The following PIP5K1B variants were observed in gnomAD, a reference collection of about 807,000 sequenced individuals.
PIP5K1B encodes phosphatidylinositol-4-phosphate 5-kinase type 1 beta.
Under a neutral mutation model 67.0 loss-of-function variants are expected in PIP5K1B, and 42 were observed. The observed-to-expected ratio is 0.63, with a 90% CI of 0.49 to 0.81. PIP5K1B has a LOEUF of 0.81. PIP5K1B is among the 30% of genes least tolerant of loss of function. PIP5K1B has a pLI of 0.00. For synonymous variants in PIP5K1B, 214 were observed against 231.4 expected, an observed-to-expected ratio of 0.92 and a Z score of 0.68; for missense variants, 459 against 646.3, an observed-to-expected ratio of 0.71 and a Z score of 3.14.
chr9:68,897,563 A>G (rs1825151568), intron 8 of PIP5K1B, among the ~76,000 whole-genome samples: 1 of 152,162 alleles, frequency 6.6e-6, no homozygotes, highest in African/African-American at 2.4e-5. Context: ...CGGGAGCTAT[A>G]GTTGTTTGGT....
intron 14 of PIP5K1B, among the ~76,000 whole-genome samples, chr9:68,977,386 G>A (rs1829680157): frequency 6.6e-6 from 1 of 152,142 alleles, no homozygotes; most frequent in Non-Finnish European, 1.5e-5. Flanking sequence ...AGCCAGGTGT[G>A]GTGGTGCTTG....
At chr9:68,857,959 T>TTGTTGTTGTTGTTG (rs1822867352) in intron 4 of PIP5K1B, among the ~76,000 whole-genome samples, 1 of 149,306 alleles carries the variant, frequency 6.7e-6, no homozygotes, top group African/African-American at 2.5e-5. Context: ...CTCTTGCTGT[T>TTGTTGTTGTTGTTG]TTGTTGTTGT....
chr9:68,816,960 A>G (rs1833478730), intron 2 of PIP5K1B, among the ~76,000 whole-genome samples: 1 of 152,272 alleles, frequency 6.6e-6, no homozygotes, highest in Admixed American at 6.5e-5. Flanking sequence ...TAAAATGTCT[A>G]TGACAAGACA....
intron 8 of PIP5K1B, among the ~76,000 whole-genome samples, chr9:68,907,761 A>G (rs1825685031): frequency 1.3e-5 from 2 of 152,162 alleles, no homozygotes. Flanking sequence ...ACAGTTCCGA[A>G]TTTTCTCTCT....
chr9:68,715,188 A>G (rs1001162569), intron 1 of PIP5K1B, among the ~76,000 whole-genome samples: 3 of 152,242 alleles, frequency 2.0e-5, no homozygotes, highest in Non-Finnish European at 4.4e-5. Flanking sequence ...GAACCAGTTG[A>G]CATGGGTGCA....
At chr9:68,921,303 T>A (rs985282453) in intron 11 of PIP5K1B, among the ~76,000 whole-genome samples, 4 of 151,136 alleles carry the variant, frequency 2.6e-5, no homozygotes, top group Admixed American at 6.6e-5. Flanking sequence ...TAAAAGAAAA[T>A]TTTTTAATTA....
intron 5 of PIP5K1B, among the ~76,000 whole-genome samples, chr9:68,872,136 G>A (rs937597594): frequency 6.6e-6 from 1 of 152,226 alleles, no homozygotes; most frequent in Non-Finnish European, 1.5e-5. Flanking sequence ...CTGCCATGGT[G>A]GAAGTTGCTA....
chr9:68,877,889 C>T (rs1333974066), intron 6 of PIP5K1B, among the ~76,000 whole-genome samples: 3 of 152,128 alleles, frequency 2.0e-5, no homozygotes, highest in Admixed American at 6.6e-5. Flanking sequence ...TTGAAAGTCC[C>T]TAGCATACTG....
chr9:68,982,606 A>G (rs1322555093), intron 14 of PIP5K1B, among the ~76,000 whole-genome samples: 2 of 152,070 alleles, frequency 1.3e-5, no homozygotes, highest in Non-Finnish European at 2.9e-5. Flanking sequence ...AAAATACAAA[A>G]AAAAAAGTAG....
chr9:68,989,546 T>A (rs1227186895), intron 14 of PIP5K1B, among the ~76,000 whole-genome samples: 1 of 109,352 alleles, frequency 9.1e-6, no homozygotes, highest in Non-Finnish European at 2.0e-5. Flanking sequence ...CTCCATTTTC[T>A]TTTTTTTTTT....
At chr9:68,771,083 C>A (rs1418790248) in intron 2 of PIP5K1B, among the ~76,000 whole-genome samples, 3 of 152,134 alleles carry the variant, frequency 2.0e-5, no homozygotes, top group Non-Finnish European at 2.9e-5. Context: ...TCCTTACAGA[C>A]TTCATCAAGC....
intron 4 of PIP5K1B, among the ~76,000 whole-genome samples, chr9:68,850,352 C>T (rs908568502): frequency 4.6e-5 from 7 of 152,174 alleles, no homozygotes; most frequent in African/African-American, 7.2e-5. Flanking sequence ...ACAAGGTTTC[C>T]GAACCTCAGC....
chr9:68,945,449 G>T (rs1827757363), intron 14 of PIP5K1B, among the ~76,000 whole-genome samples: 1 of 152,108 alleles, frequency 6.6e-6, no homozygotes, highest in Non-Finnish European at 1.5e-5. Flanking sequence ...CCCAGCCAAT[G>T]GGCTTACGTT....
chr9:68,825,302 T>C (rs1833924377), intron 4 of PIP5K1B, among the ~76,000 whole-genome samples: 1 of 152,198 alleles, frequency 6.6e-6, no homozygotes, highest in Non-Finnish European at 1.5e-5. Flanking sequence ...TTATGTTTAT[T>C]GTGTTTGTAT....
chr9:68,849,725 G>A (rs939801673), intron 4 of PIP5K1B, among the ~76,000 whole-genome samples: 2 of 152,174 alleles, frequency 1.3e-5, no homozygotes, highest in African/African-American at 4.8e-5. Flanking sequence ...AGAGAAAAAA[G>A]CCCCAAACAC....
chr9:68,781,044 A>C (rs373747727), intron 2 of PIP5K1B: 1 of 1,602,716 alleles, frequency 6.2e-7, no homozygotes, highest in Non-Finnish European at 8.5e-7. Context: ...TCATCCTGAG[A>C]CTTTCTTTTT....
At chr9:68,827,519 G>A (rs1004431822) in intron 4 of PIP5K1B, among the ~76,000 whole-genome samples, 7 of 152,248 alleles carry the variant, frequency 4.6e-5, no homozygotes, top group East Asian at 3.9e-4. Flanking sequence ...GTTTTCAGGC[G>A]GTGATGTACT....
At chr9:68,748,588 G>A (rs1314071288) in intron 2 of PIP5K1B, among the ~76,000 whole-genome samples, 2 of 151,366 alleles carry the variant, frequency 1.3e-5, no homozygotes, top group Admixed American at 6.6e-5. Context: ...GGCACCACTC[G>A]GCGGCTGAGT....
intron 14 of PIP5K1B, among the ~76,000 whole-genome samples, chr9:68,954,853 G>A (rs564388093): frequency 2.0e-5 from 3 of 152,184 alleles, no homozygotes; most frequent in African/African-American, 4.8e-5. Context: ...CCCATCTGCT[G>A]GGGGGCAGGT....
Sources: allele counts gnomAD v4.1 joint callset (sites outside exome capture counted in the v4.1 genomes callset), GRCh38; gene constraint gnomAD v4.1.1; transcripts MANE v1.5; gene names NCBI Gene and HGNC (gene_info 2026-07-23, HGNC 2026-07-21).